PCED1B: variants seen among roughly 807,000 people sequenced by gnomAD.
PCED1B encodes PC-esterase domain-containing protein 1B.
For synonymous variants in PCED1B, 251 were observed against 246.1 expected, an observed-to-expected ratio of 1.02 and a Z score of -0.19; for missense variants, 573 against 573.9, an observed-to-expected ratio of 1.00 and a Z score of 0.02.
chr12:47,177,940 C>G (rs1275988353), intron 2 of PCED1B, among the ~76,000 whole-genome samples: 1 of 152,002 alleles, frequency 6.6e-6, no homozygotes, highest in Non-Finnish European at 1.5e-5. Context: ...GAGCAAGACC[C>G]TGTCTCAAAA....
chr12:47,108,288 C>T (rs1309644062), intron 2 of PCED1B, among the ~76,000 whole-genome samples: 5 of 152,132 alleles, frequency 3.3e-5, no homozygotes, highest in Non-Finnish European at 7.4e-5. Context: ...TTCTCAGGTG[C>T]TGATTTAGAA....
chr12:47,134,187 G>A (rs1940249681), intron 2 of PCED1B, among the ~76,000 whole-genome samples: 2 of 152,166 alleles, frequency 1.3e-5, no homozygotes. Flanking sequence ...GACATCATGG[G>A]CATTTTGTGT....
chr12:47,236,107 C>G lies in PCED1B; in HGVS notation c.1044C>G (p.Phe348Leu). 1 of 1,614,152 alleles carries G rather than the reference C, an allele frequency of 6.2e-7. No individual in the cohort carries two copies. Among genetic ancestry groups the G allele is most frequent in the Non-Finnish European group, 8.5e-7 (1 of 1,180,034 alleles). The stretch of plus-strand genomic sequence containing the variant: ...CCTGTTTTTCCTCAGACCATACTTT[C>G]CAGTCGGATCAATTCTATTGCCATT... ...PDACFSSDHTFQSDQFYCHSD... is the reference protein window; with the variant it reads ...PDACFSSDHTLQSDQFYCHSD... Residue 348 changes from phenylalanine (F) to leucine (L), a missense_variant, in exon 4 of 4, where the codon TTC becomes TTG. By Grantham distance (22) the Phe-to-Leu change is conservative (BLOSUM62 0). Coordinates refer to ENST00000546455, the MANE Select transcript of PCED1B (RefSeq NM_138371.3).
At chr12:47,130,920 T>C (rs1041475747) in intron 2 of PCED1B, among the ~76,000 whole-genome samples, 1 of 152,214 alleles carries the variant, frequency 6.6e-6, no homozygotes, top group Non-Finnish European at 1.5e-5. Flanking sequence ...TAATCAGCTA[T>C]TTACAATTAA....
intron 2 of PCED1B, among the ~76,000 whole-genome samples, chr12:47,185,390 T>C (rs555272206): frequency 2.0e-5 from 3 of 152,156 alleles, no homozygotes; most frequent in Non-Finnish European, 4.4e-5. Flanking sequence ...AGTTGAAGTA[T>C]TGAAGCTGCA....
chr12:47,203,676 G>A (rs1942833766), intron 2 of PCED1B, among the ~76,000 whole-genome samples: 1 of 152,208 alleles, frequency 6.6e-6, no homozygotes, highest in Admixed American at 6.5e-5. Flanking sequence ...GTATTCTGCA[G>A]TGTATATGAA....
chr12:47,095,182 T>C (rs1345036019), intron 1 of PCED1B, among the ~76,000 whole-genome samples: 1 of 151,978 alleles, frequency 6.6e-6, no homozygotes, highest in Non-Finnish European at 1.5e-5. Flanking sequence ...AACATCTTTA[T>C]TCTACTTTCA....
chr12:47,181,357 G>A (rs1252339081), intron 2 of PCED1B, among the ~76,000 whole-genome samples: 1 of 148,714 alleles, frequency 6.7e-6, no homozygotes, highest in Non-Finnish European at 1.5e-5. Flanking sequence ...ATTAGAATGA[G>A]ATAGATTCTT....
chr12:47,121,411 T>TA (rs1164940807), intron 2 of PCED1B, among the ~76,000 whole-genome samples: 2 of 152,054 alleles, frequency 1.3e-5, no homozygotes, highest in African/African-American at 4.8e-5. Context: ...CTTCAGATCT[T>TA]AAAAAAATGA....
chr12:47,194,745 G>A (rs769190139), intron 2 of PCED1B, among the ~76,000 whole-genome samples: 3 of 152,180 alleles, frequency 2.0e-5, no homozygotes, highest in Non-Finnish European at 2.9e-5. Context: ...GCTATTTAAA[G>A]AACAGACCTT....
chr12:47,195,361 G>A (rs1388898323), intron 2 of PCED1B, among the ~76,000 whole-genome samples: 1 of 151,668 alleles, frequency 6.6e-6, no homozygotes, highest in African/African-American at 2.4e-5. Flanking sequence ...AAATATTTCT[G>A]AAGGTGACAG....
intron 2 of PCED1B, among the ~76,000 whole-genome samples, chr12:47,109,717 A>C (rs1401823469): frequency 6.6e-6 from 1 of 152,200 alleles, no homozygotes; most frequent in African/African-American, 2.4e-5. Flanking sequence ...GGCCTGTGCA[A>C]GGAGAGAAGG....
intron 2 of PCED1B, among the ~76,000 whole-genome samples, chr12:47,146,672 G>A (rs1037987977): frequency 2.1e-4 from 32 of 152,196 alleles, no homozygotes; most frequent in African/African-American, 7.5e-4. Flanking sequence ...TTTAATTAAG[G>A]TATGTACTTT....
intron 2 of PCED1B, among the ~76,000 whole-genome samples, chr12:47,122,172 T>C (rs1441464375): frequency 6.6e-6 from 1 of 152,192 alleles, no homozygotes; most frequent in Non-Finnish European, 1.5e-5. Flanking sequence ...ACTCTAAATG[T>C]TTGCCATTGT....
At chr12:47,162,150 A>G (rs1417406042) in intron 2 of PCED1B, among the ~76,000 whole-genome samples, 1 of 152,092 alleles carries the variant, frequency 6.6e-6, no homozygotes, top group Non-Finnish European at 1.5e-5. Flanking sequence ...ATTAGGAGAT[A>G]TACCTAATGT....
At chr12:47,179,408 C>T (rs1449864365) in intron 2 of PCED1B, among the ~76,000 whole-genome samples, 1 of 152,198 alleles carries the variant, frequency 6.6e-6, no homozygotes, top group African/African-American at 2.4e-5. Context: ...TATAATCATT[C>T]ATCCTCTCAG....
At chr12:47,194,196 A>G (rs1371899616) in intron 2 of PCED1B, among the ~76,000 whole-genome samples, 1 of 152,108 alleles carries the variant, frequency 6.6e-6, no homozygotes, top group African/African-American at 2.4e-5. Context: ...TTATTTTGAG[A>G]TGGAGTCTCA....
At chr12:47,225,690 A>G (rs1943613055) in intron 3 of PCED1B, among the ~76,000 whole-genome samples, 1 of 152,248 alleles carries the variant, frequency 6.6e-6, no homozygotes, top group Non-Finnish European at 1.5e-5. Flanking sequence ...TTATAAGGAA[A>G]TGAACCATTT....
At chr12:47,209,617 T>C (rs1223037361) in intron 2 of PCED1B, 2 of 152,258 alleles carry the variant, frequency 1.3e-5, no homozygotes, top group Non-Finnish European at 2.9e-5. Context: ...ATGCTTGGAA[T>C]AGTATACTCA....
Sources: gnomAD v4.1 joint callset for allele counts (sites outside exome capture counted in the v4.1 genomes callset) on GRCh38, gnomAD v4.1.1 for gene constraint, MANE v1.5 for transcripts, NCBI Gene and HGNC (gene_info 2026-07-23, HGNC 2026-07-21) for gene names.